GCN1: variants seen among roughly 807,000 people sequenced by gnomAD.
GCN1 encodes GCN1 activator of EIF2AK4.
In GCN1, 90 loss-of-function variants were observed where a neutral mutation model predicts 288.4. That is an observed-to-expected ratio of 0.31 (90% confidence interval 0.26 to 0.37). GCN1 has a LOEUF of 0.37. GCN1 is among the 10% of genes least tolerant of loss of function. The probability of loss-of-function intolerance (pLI) is 1.00; values close to 1 mark genes in which losing one functional copy is unlikely to be tolerated. For synonymous variants in GCN1, 1,386 were observed against 1,420.2 expected, an observed-to-expected ratio of 0.98 and a Z score of 0.54; for missense variants, 2,586 against 3,419.9, an observed-to-expected ratio of 0.76 and a Z score of 6.08.
chr12:120,144,913 C>G lies in GCN1; in HGVS notation c.5155+10G>C, dbSNP rs763695588. ...TCCCAGGCTGGCCACTGGACCTGCT[C>G]TGGCCTTACCCTGTGCAGCGCCTGA... is the stretch of plus-strand genomic sequence containing the variant. On this transcript the variant is annotated intron_variant, in intron 40 of 57. Coordinates refer to ENST00000300648, the MANE Select transcript of GCN1 (RefSeq NM_006836.2). The surrounding 1 kb of genome is among the most constrained non-coding windows in gnomAD (Gnocchi z 4.7). 5 of 1,614,220 alleles carry G rather than the reference C, an allele frequency of 3.1e-6. No homozygotes were observed. The highest frequency in any genetic ancestry group is 4.2e-6 in the Non-Finnish European group (5 of 1,180,048).
intron 13 of GCN1, 53 bp downstream of exon 13, chr12:120,174,018 C>T (rs1318889021): frequency 4.1e-6 from 5 of 1,216,534 alleles, no homozygotes; most frequent in Non-Finnish European, 6.1e-6. Flanking sequence ...CTGTGAAAAA[C>T]CACGGTCAAG....
chr12:120,130,422 C>G (rs1025445175), intron 56 of GCN1, among the ~76,000 whole-genome samples: 3 of 152,188 alleles, frequency 2.0e-5, no homozygotes, highest in Admixed American at 6.5e-5. Context: ...TTCAGAGTCA[C>G]GGGTCAATTT....
Position 120,178,769 on chromosome 12 carries a change from A to G in GCN1, c.526-10T>C. 1 of 1,614,236 alleles carries G rather than the reference A, an allele frequency of 6.2e-7. No individual in the cohort carries two copies. On this transcript the variant is annotated splice_polypyrimidine_tract_variant and intron_variant, in intron 6 of 57. Coordinates refer to ENST00000300648, the MANE Select transcript of GCN1 (RefSeq NM_006836.2). ...CCACCAGCCCGGGGTTCTGAAGAGGAAAGTGCCAGGCAGGTGTTTAAGATG... is the reference window on the plus strand; with the variant it reads ...CCACCAGCCCGGGGTTCTGAAGAGGGAAGTGCCAGGCAGGTGTTTAAGATG...
At chr12:120,152,719 CAAAGAA>C (rs1214531948) in intron 33 of GCN1, among the ~76,000 whole-genome samples, 1 of 147,546 alleles carries the variant, frequency 6.8e-6, no homozygotes, top group African/African-American at 2.5e-5. Context: ...TTTTTCAAAA[CAAAGAA>C]AAAGAAATTT....
At chr12:120,171,018 G>A (rs1400418244) in intron 14 of GCN1, among the ~76,000 whole-genome samples, 1 of 151,828 alleles carries the variant, frequency 6.6e-6, no homozygotes, top group African/African-American at 2.4e-5. Flanking sequence ...GTGCACGCCT[G>A]TAATCCCAGC....
intron 5 of GCN1, among the ~76,000 whole-genome samples, chr12:120,183,280 G>A (rs536666233): frequency 6.6e-6 from 1 of 152,240 alleles, no homozygotes; most frequent in Admixed American, 6.5e-5. Flanking sequence ...GGCCTGTCAC[G>A]GCTTCCACAC....
intron 37 of GCN1, 58 bp from the exon 38 acceptor site, chr12:120,147,330 C>T (rs1028873429): frequency 2.1e-6 from 2 of 963,686 alleles, no homozygotes; most frequent in African/African-American, 3.2e-5. Context: ...TGCAAGGCCC[C>T]TGGGCCCCCA....
At position 120,186,500 on chromosome 12, in the gene GCN1, A is replaced by G. The variant is rs187673247; in HGVS notation, c.122-1613T>C. On this transcript the variant is annotated intron_variant, in intron 2 of 57. Transcript: ENST00000300648. ...GAGGAGGAAATTTAACCTGCAGTGT[A>G]AGACAGACTTATACTGGGTGTAGGA... 5.9e-5 allele frequency among the ~76,000 whole-genome samples: 9 copies of G among 152,348 alleles called. No homozygotes were observed. The East Asian group carries it at 1.7e-3, about 29-fold the overall frequency.
rs1877785495 is a variant in GCN1 at position 120,157,455 on chromosome 12, TTAAG to T, written c.3087+390_3087+393del. On this transcript the variant is annotated intron_variant, in intron 26 of 57. Coordinates refer to ENST00000300648, the MANE Select transcript of GCN1 (RefSeq NM_006836.2). ...TGTCCTAAAGAAATGCTCACACTGG[TTAAG>T]TAAGGGGCATATACATACAAGAGGG... 3.9e-5 allele frequency among the ~76,000 whole-genome samples: 6 copies of T among 152,254 alleles called. No homozygotes were observed. The South Asian group carries it at 1.2e-3, about 32-fold the overall frequency.
intron 2 of GCN1, among the ~76,000 whole-genome samples, chr12:120,189,312 C>T (rs968521199): frequency 5.9e-5 from 9 of 151,740 alleles, no homozygotes; most frequent in African/African-American, 2.2e-4. Context: ...ACCTCGTGAT[C>T]CACTCGCCTC....
chr12:120,151,858 G>A (rs955056413), intron 33 of GCN1, among the ~76,000 whole-genome samples: 3 of 152,174 alleles, frequency 2.0e-5, no homozygotes, highest in Non-Finnish European at 4.4e-5. Flanking sequence ...ACTCAATCCT[G>A]CCTCCCAGCC....
rs1197975451 is a variant in GCN1 at position 120,176,125 on chromosome 12, AG to A, written c.913+17del. The stretch of plus-strand genomic sequence containing the variant: ...CCAAGGTGACACTTATGGGCTGGAG[AG>A]GGGCTGGGATACTCACCAGCCAGTC... On this transcript the variant is annotated intron_variant, in intron 10 of 57. Transcript: ENST00000300648. 5 of 1,573,490 alleles carry A rather than the reference AG, an allele frequency of 3.2e-6. No homozygotes were observed. In the South Asian group the frequency reaches 4.4e-5, roughly 14 times the overall value.
At chr12:120,147,665 A>G (rs1213818278) in intron 37 of GCN1, among the ~76,000 whole-genome samples, 1 of 152,192 alleles carries the variant, frequency 6.6e-6, no homozygotes, top group African/African-American at 2.4e-5. Context: ...TGTTTTATGT[A>G]TTTTGAGGTT....
intron 5 of GCN1, among the ~76,000 whole-genome samples, chr12:120,182,161 AAAAAAAAAAAAC>A (rs1438061795): frequency 6.7e-6 from 1 of 148,952 alleles, no homozygotes; most frequent in Middle Eastern, 3.3e-3. Flanking sequence ...AAAGAAAACA[AAAAAAAAAAAAC>A]AAAAAAAACC....
chr12:120,164,401 G>A lies in GCN1; in HGVS notation c.1783C>T (p.Leu595Phe). 1 of 1,614,208 alleles carries A rather than the reference G, an allele frequency of 6.2e-7. No individual in the cohort carries two copies. The highest frequency in any genetic ancestry group is 8.5e-7 in the Non-Finnish European group (1 of 1,180,038). ...CCGTGCGCCAGCTTAAAGCCCCCAA[G>A]AGAGGACAGCAGCTTCCGAACTGTC... is the stretch of plus-strand genomic sequence containing the variant. ...QQTVRKLLSS[L>F]GGFKLAHGLL... is the part of the protein sequence containing the mutation. Residue 595 changes from leucine to phenylalanine, a missense_variant, in exon 18 of 58, where the codon CTT (leucine) becomes TTT (phenylalanine). Leu to Phe is a conservative substitution (Grantham distance 22). Around this residue, in one of 8 missense-constraint regions of GCN1, gnomAD observed 913 missense variants for 1,107.0 expected, o/e 0.82. Transcript: ENST00000300648.
chr12:120,179,604 T>C (rs939335025), intron 5 of GCN1, among the ~76,000 whole-genome samples: 1 of 151,994 alleles, frequency 6.6e-6, no homozygotes, highest in Non-Finnish European at 1.5e-5. Context: ...TTTCACCATG[T>C]TAGCCAGGAT....
chr12:120,170,702 G>A (rs111882691), intron 14 of GCN1, among the ~76,000 whole-genome samples: 2 of 152,046 alleles, frequency 1.3e-5, no homozygotes, highest in Admixed American at 1.3e-4. Flanking sequence ...GATAAGCAGA[G>A]ACATTAGGTG....
chr12:120,177,443 C>T lies in GCN1; in HGVS notation c.838+4G>A, dbSNP rs1274300823. 1.4e-6 allele frequency: 2 copies of T among 1,469,446 alleles called. No individual in the cohort carries two copies. Among genetic ancestry groups the T allele is most frequent in the South Asian group, 2.3e-5 (2 of 87,840 alleles). The allele number at this position is 1,469,446 out of a possible 1,614,324, so 91.0% of individuals were successfully genotyped here. On this transcript the variant is annotated splice_donor_region_variant and intron_variant, in intron 9 of 57. Transcript: ENST00000300648. ...TCCCACCATCCTGGTTGACAGCAAC[C>T]TACTTTCAATAACATTCTCTGGACT...
Position 120,178,674 on chromosome 12 carries a change from A to ACCAGCAGCC in GCN1, c.602_610dup (p.Gly201_Leu203dup). Reference sequence around the variant, plus strand: ...CTCCTTGTGACTCGTGCAGAACTGCACCAGCAGCCCCAGCATGCCAGCATA... The same window carrying ACCAGCAGCC: ...CTCCTTGTGACTCGTGCAGAACTGCACCAGCAGCCCCAGCAGCCCCAGCATGCCAGCATA... On this transcript the variant is annotated inframe_insertion, in exon 7 of 58. Coordinates refer to ENST00000300648, the MANE Select transcript of GCN1 (RefSeq NM_006836.2). 1 of 1,614,202 alleles carries ACCAGCAGCC rather than the reference A, an allele frequency of 6.2e-7. No individual in the cohort carries two copies. Among genetic ancestry groups the ACCAGCAGCC allele is most frequent in the Non-Finnish European group, 8.5e-7 (1 of 1,180,008 alleles).
Sources: allele counts gnomAD v4.1 joint callset (sites outside exome capture counted in the v4.1 genomes callset), GRCh38; gene constraint gnomAD v4.1.1; regional missense constraint gnomAD v4.1.1; non-coding constraint Gnocchi (gnomAD v3.1); transcripts MANE v1.5; gene names NCBI Gene and HGNC (gene_info 2026-07-23, HGNC 2026-07-21).